The following SMIM36 variants were observed in gnomAD, a reference collection of about 807,000 sequenced individuals.
SMIM36 encodes the protein small integral membrane protein 36.
intron 4 of SMIM36, among the ~76,000 whole-genome samples, chr17:55,466,736 G>C (rs1455511687): frequency 6.6e-6 from 1 of 152,172 alleles, no homozygotes; most frequent in Admixed American, 6.5e-5. Flanking sequence ...AGCTGTATAG[G>C]AAGCACCCCG....
chr17:55,491,820 C>A (rs1909710682), intron 1 of SMIM36, among the ~76,000 whole-genome samples: 1 of 152,172 alleles, frequency 6.6e-6, no homozygotes, highest in Non-Finnish European at 1.5e-5. Context: ...GTTGGAGCCA[C>A]TGCATCTGGC....
At position 55,470,367 on chromosome 17, in the gene SMIM36, G is replaced by A. The variant is rs191673128; in HGVS notation, c.*348-3039C>T. Among the ~76,000 whole-genome samples, 531 of 152,216 alleles carry A rather than the reference G, an allele frequency of 3.5e-3. 2 individuals are homozygous for A. Among genetic ancestry groups the A allele is most frequent in the African/African-American group, 0.012 (489 of 41,546 alleles). ...TGGACCATCATAGATGCCGAGCTTTGGGTAACTCTTACAGTGGGAGGGTAA... is the reference window on the plus strand; with the variant it reads ...TGGACCATCATAGATGCCGAGCTTTAGGTAACTCTTACAGTGGGAGGGTAA... On this transcript the variant is annotated intron_variant, in intron 3 of 4. Transcript: ENST00000636752.
At chr17:55,470,319 G>T (rs1909321280) in intron 3 of SMIM36, among the ~76,000 whole-genome samples, 1 of 152,180 alleles carries the variant, frequency 6.6e-6, no homozygotes, top group East Asian at 1.9e-4. Context: ...GACTGACACT[G>T]CCTGATCGCC....
chr17:55,500,497 C>G (rs1909889013), intron 1 of SMIM36, among the ~76,000 whole-genome samples: 1 of 151,716 alleles, frequency 6.6e-6, no homozygotes, highest in Non-Finnish European at 1.5e-5. Context: ...GTTTTAAAGA[C>G]TGAGAAGTTG....
intron 4 of SMIM36, among the ~76,000 whole-genome samples, chr17:55,457,619 C>G (rs540324385): frequency 6.6e-6 from 1 of 151,656 alleles, no homozygotes; most frequent in African/African-American, 2.4e-5. Context: ...CTCCGCCTCC[C>G]GGGTTCAAGC....
At chr17:55,531,706 A>C in the SMIM36 span, among the ~76,000 whole-genome samples, 1 of 152,212 alleles carries the variant, frequency 6.6e-6, no homozygotes, top group Non-Finnish European at 1.5e-5. Flanking sequence ...GGCTACTTTT[A>C]TTGTGACTAA....
At chr17:55,520,582 G>A in the SMIM36 span, among the ~76,000 whole-genome samples, 3 of 152,204 alleles carry the variant, frequency 2.0e-5, no homozygotes, top group Admixed American at 2.0e-4. Flanking sequence ...TGGGCAGGTA[G>A]CATGTACAGT....
chr17:55,451,037 C>A (rs892014080), intron 4 of SMIM36, among the ~76,000 whole-genome samples: 3 of 152,192 alleles, frequency 2.0e-5, no homozygotes, highest in Admixed American at 6.5e-5. Flanking sequence ...CAGGCATGCG[C>A]CACCACGCCT....
chr17:55,492,337 G>A (rs1909728005), intron 1 of SMIM36, among the ~76,000 whole-genome samples: 1 of 143,778 alleles, frequency 7.0e-6, no homozygotes, highest in African/African-American at 2.6e-5. Context: ...CTGCCTACCA[G>A]GTTCAAGCAA....
At chr17:55,520,367 A>G in the SMIM36 span, among the ~76,000 whole-genome samples, 1 of 152,204 alleles carries the variant, frequency 6.6e-6, no homozygotes. Flanking sequence ...AGCAACCTCT[A>G]GCATAAATTT....
chr17:55,488,108 A>C (rs1909639593), intron 1 of SMIM36, among the ~76,000 whole-genome samples: 1 of 152,226 alleles, frequency 6.6e-6, no homozygotes, highest in South Asian at 2.1e-4. Context: ...GACATGGCCC[A>C]GTTTTCCTTA....
At chr17:55,507,538 T>G (rs1262468861) in intron 1 of SMIM36, among the ~76,000 whole-genome samples, 1 of 101,416 alleles carries the variant, frequency 9.9e-6, no homozygotes, top group Non-Finnish European at 1.9e-5. Context: ...TGAGATCACA[T>G]GGACACAGGA....
chr17:55,475,164 C>T (rs951847402), intron 3 of SMIM36, among the ~76,000 whole-genome samples: 5 of 152,154 alleles, frequency 3.3e-5, no homozygotes, highest in African/African-American at 9.7e-5. Context: ...TCTCGTCATA[C>T]TCCTATTCAC....
intron 1 of SMIM36, among the ~76,000 whole-genome samples, chr17:55,495,923 C>G (rs947371700): frequency 1.3e-5 from 2 of 152,178 alleles, no homozygotes; most frequent in African/African-American, 4.8e-5. Context: ...CAAATCCAGT[C>G]TTGCTGCCAT....
the SMIM36 span, among the ~76,000 whole-genome samples, chr17:55,520,643 G>A: frequency 6.6e-6 from 1 of 152,034 alleles, no homozygotes; most frequent in African/African-American, 2.4e-5. Flanking sequence ...GGGCGGAGTG[G>A]GACGGCATGA....
intron 1 of SMIM36, among the ~76,000 whole-genome samples, chr17:55,485,421 G>T (rs1381671902): frequency 6.6e-6 from 1 of 150,898 alleles, no homozygotes; most frequent in African/African-American, 2.4e-5. Flanking sequence ...AAGTAGCTGG[G>T]ACCACAGGTG....
At position 55,501,227 on chromosome 17, in the gene SMIM36, A is replaced by ATTATAATATATAATATAGTATTATATT. The variant is rs1909946558; in HGVS notation, c.*174+9625_*174+9651dup. On this transcript the variant is annotated intron_variant, in intron 1 of 4. Coordinates refer to ENST00000636752, the Ensembl canonical transcript of SMIM36. Reference sequence around the variant, plus strand: ...TTATAATATATAATATATATTATATATTATAATATATAATATAGTATTATA... The same window carrying ATTATAATATATAATATAGTATTATATT: ...TTATAATATATAATATATATTATATATTATAATATATAATATAGTATTATATTTTATAATATATAATATAGTATTATA... Among the ~76,000 whole-genome samples, 3 of 11,302 alleles carry ATTATAATATATAATATAGTATTATATT rather than the reference A, an allele frequency of 2.7e-4. 1 individual carries two copies. The highest frequency in any genetic ancestry group is 3.4e-4 in the Non-Finnish European group (3 of 8,772). The allele number at this position is 11,302 out of a possible 152,430, so 7.4% of individuals were successfully genotyped here.
the SMIM36 span, among the ~76,000 whole-genome samples, chr17:55,530,792 T>A: frequency 0.017 from 2,544 of 149,988 alleles, 37 homozygotes; most frequent in Non-Finnish European, 0.027. Flanking sequence ...CAAAAAAAAA[T>A]GCAGGAAAGC....
chr17:55,492,721 CTTAAAA>C (rs960866572), intron 1 of SMIM36, among the ~76,000 whole-genome samples: 2 of 151,732 alleles, frequency 1.3e-5, no homozygotes, highest in Non-Finnish European at 2.9e-5. Flanking sequence ...TTGAAATTCA[CTTAAAA>C]TTAAGGAAAT....
Sources: gnomAD v4.1 joint callset for allele counts (sites outside exome capture counted in the v4.1 genomes callset) on GRCh38, gnomAD v4.1.1 for gene constraint, MANE v1.5 for transcripts, NCBI Gene and HGNC (gene_info 2026-07-23, HGNC 2026-07-21) for gene names.